Variants in EPHB1 observed in about 807,000 individuals in gnomAD.
The protein encoded by EPHB1 is ephrin type-B receptor 1.
Under a neutral mutation model 94.4 loss-of-function variants are expected in EPHB1, and 30 were observed. That is an observed-to-expected ratio of 0.32 (90% CI 0.24 to 0.43). The LOEUF is 0.43. Among genes scored for constraint, EPHB1 ranks in the 20% least tolerant of loss-of-function variants. EPHB1 has a pLI of 1.00. For synonymous variants in EPHB1, 522 were observed against 489.1 expected (o/e 1.07, Z -0.89); for missense variants, 1,055 against 1,308.3 (o/e 0.81, Z 2.99).
chr3:135,003,935 A>T (rs536814749), intron 3 of EPHB1, among the ~76,000 whole-genome samples: 5 of 152,052 alleles, frequency 3.3e-5, no homozygotes, highest in Non-Finnish European at 7.3e-5. Context: ...GTGTCTTTTA[A>T]TTGGAGCATT....
At chr3:134,821,349 A>T (rs1237326953) in intron 1 of EPHB1, among the ~76,000 whole-genome samples, 1 of 152,188 alleles carries the variant, frequency 6.6e-6, no homozygotes, top group East Asian at 1.9e-4. Context: ...AGTCATGTTG[A>T]CACATAAAGT....
chr3:135,134,123 G>A (rs1267456359), intron 5 of EPHB1, among the ~76,000 whole-genome samples: 1 of 152,244 alleles, frequency 6.6e-6, no homozygotes, highest in African/African-American at 2.4e-5. Flanking sequence ...GAGGGGAAGT[G>A]AACATCACAT....
chr3:134,961,120 C>T (rs184607058), intron 3 of EPHB1, among the ~76,000 whole-genome samples: 9 of 152,300 alleles, frequency 5.9e-5, no homozygotes, highest in African/African-American at 2.2e-4. Flanking sequence ...TTATTGGGCA[C>T]CAACTGGTAC....
At chr3:134,873,880 G>A (rs146405144) in intron 1 of EPHB1, among the ~76,000 whole-genome samples, 1,817 of 152,292 alleles carry the variant, frequency 0.012, 39 homozygotes, top group African/African-American at 0.041. Flanking sequence ...TAGTTTTGGT[G>A]GAGTAATCCT....
At chr3:135,252,584 G>A (rs1461084191) in intron 15 of EPHB1, among the ~76,000 whole-genome samples, 11 of 148,168 alleles carry the variant, frequency 7.4e-5, no homozygotes, top group Middle Eastern at 3.5e-3. Flanking sequence ...CACGGTGTAT[G>A]TGTGCCACAT....
chr3:135,182,840 C>T (rs1418144480), intron 10 of EPHB1, among the ~76,000 whole-genome samples: 1 of 152,166 alleles, frequency 6.6e-6, no homozygotes, highest in African/African-American at 2.4e-5. Context: ...ACATCTGTTT[C>T]TAGCCCCATG....
intron 6 of EPHB1, among the ~76,000 whole-genome samples, chr3:135,156,523 T>A (rs1941360862): frequency 6.6e-6 from 1 of 152,208 alleles, no homozygotes; most frequent in African/African-American, 2.4e-5. Context: ...GTTTTACATT[T>A]ATAGAATGGT....
chr3:135,063,199 AT>A (rs1937538216), intron 3 of EPHB1, among the ~76,000 whole-genome samples: 1 of 151,918 alleles, frequency 6.6e-6, no homozygotes, highest in Non-Finnish European at 1.5e-5. Context: ...GAATTTTAGA[AT>A]TGTTTTTTCT....
chr3:134,899,187 C>G (rs1293868893), intron 1 of EPHB1, among the ~76,000 whole-genome samples: 1 of 152,152 alleles, frequency 6.6e-6, no homozygotes, highest in East Asian at 1.9e-4. Context: ...TAGTTAGGAA[C>G]AGAAAAGACA....
At position 134,992,438 on chromosome 3, in the gene EPHB1, A is replaced by G. The variant is rs115072451; in HGVS notation, c.805+40386A>G. 8.3e-3 allele frequency among the ~76,000 whole-genome samples: 1,257 copies of G among 152,354 alleles called. 20 individuals are homozygous for G. The highest frequency in any genetic ancestry group is 0.029 in the African/African-American group (1,195 of 41,586). Reference sequence around the variant, plus strand: ...TGCCAAGCCTCCGGTCAGTATGGCAAAGGCAAGTTTGTTTCAGTTCTTGTT... The same window carrying G: ...TGCCAAGCCTCCGGTCAGTATGGCAGAGGCAAGTTTGTTTCAGTTCTTGTT... On this transcript the variant is annotated intron_variant, in intron 3 of 15. Transcript: ENST00000398015.
chr3:134,829,450 C>T (rs1368484015), intron 1 of EPHB1, among the ~76,000 whole-genome samples: 2 of 152,068 alleles, frequency 1.3e-5, no homozygotes, highest in Admixed American at 1.3e-4. Context: ...CTTTTAGAAC[C>T]CTGCGTCTCT....
chr3:134,871,882 C>A (rs539762023), intron 1 of EPHB1, among the ~76,000 whole-genome samples: 1 of 152,344 alleles, frequency 6.6e-6, no homozygotes, highest in East Asian at 1.9e-4. Context: ...AAACAAGGGT[C>A]ATTTTTAATC....
rs147469005 is a variant in EPHB1 at position 135,136,444 on chromosome 3, G to A, written c.1297+3395G>A. 5.2e-3 allele frequency among the ~76,000 whole-genome samples: 792 copies of A among 152,270 alleles called. 8 individuals carry two copies. The highest frequency in any genetic ancestry group is 0.017 in the African/African-American group (688 of 41,530). On this transcript the variant is annotated intron_variant, in intron 5 of 15. Coordinates refer to ENST00000398015, the MANE Select transcript of EPHB1 (RefSeq NM_004441.5). Reference sequence around the variant, plus strand: ...AGTGGCAGAGAACTGACATCTTTGAGCACCTCCAATGTGCCAACCCCTACC... The same window carrying A: ...AGTGGCAGAGAACTGACATCTTTGAACACCTCCAATGTGCCAACCCCTACC...
At chr3:134,883,167 C>G (rs1020745609) in intron 1 of EPHB1, among the ~76,000 whole-genome samples, 1 of 152,174 alleles carries the variant, frequency 6.6e-6, no homozygotes, top group Non-Finnish European at 1.5e-5. Context: ...TGAAAGGTCC[C>G]TTGCTTTGCT....
chr3:134,862,515 A>G (rs573290256), intron 1 of EPHB1, among the ~76,000 whole-genome samples: 5 of 148,480 alleles, frequency 3.4e-5, no homozygotes, highest in African/African-American at 9.8e-5. Context: ...AAAAAAAAAG[A>G]AAAAGAAAAA....
chr3:134,885,484 A>G (rs2037844188), intron 1 of EPHB1, among the ~76,000 whole-genome samples: 1 of 152,198 alleles, frequency 6.6e-6, no homozygotes, highest in Non-Finnish European at 1.5e-5. Context: ...CTTGCAGGAA[A>G]CTAAATATGC....
At chr3:134,818,777 T>C (rs563551233) in intron 1 of EPHB1, among the ~76,000 whole-genome samples, 1 of 152,364 alleles carries the variant, frequency 6.6e-6, no homozygotes, top group African/African-American at 2.4e-5. Context: ...CACTCCTTAA[T>C]TGGTGGACGT....
intron 9 of EPHB1, among the ~76,000 whole-genome samples, chr3:135,175,298 A>T (rs1277406115): frequency 6.6e-6 from 1 of 152,202 alleles, no homozygotes; most frequent in African/African-American, 2.4e-5. Context: ...CAATGCTCAG[A>T]AGTTTCTTCT....
At chr3:134,887,224 G>A (rs1330224737) in intron 1 of EPHB1, among the ~76,000 whole-genome samples, 1 of 152,178 alleles carries the variant, frequency 6.6e-6, no homozygotes, top group Non-Finnish European at 1.5e-5. Context: ...GTTGGCTGGG[G>A]CCTGCGTTCT....
Sources: allele counts gnomAD v4.1 joint callset (sites outside exome capture counted in the v4.1 genomes callset), GRCh38; gene constraint gnomAD v4.1.1; transcripts MANE v1.5; gene names NCBI Gene and HGNC (gene_info 2026-07-23, HGNC 2026-07-21).